Variants in NRAP observed in about 807,000 individuals in gnomAD.
NRAP encodes nebulin-related-anchoring protein.
Under a neutral mutation model 225.9 loss-of-function variants are expected in NRAP, and 189 were observed. The ratio of observed to expected loss-of-function variants is 0.84; its 90% CI spans 0.74 to 0.94. The LOEUF (loss-of-function observed/expected upper bound fraction) is 0.94. NRAP is among the 40% of genes least tolerant of loss of function. The pLI, the probability that NRAP is intolerant of heterozygous loss-of-function variation, is 0.00. For synonymous variants in NRAP, 769 were observed against 790.7 expected, an observed-to-expected ratio of 0.97 and a Z score of 0.46; for missense variants, 2,176 against 2,168.7, an observed-to-expected ratio of 1.00 and a Z score of -0.07.
rs145862371 is a variant in NRAP, at chr10:113,589,740, A to C, written c.5014T>G (p.Ser1672Ala). The C allele has an allele frequency of 8.1e-6, 13 of 1,614,046 alleles. No homozygotes were observed. The highest frequency in any genetic ancestry group is 9.3e-6 in the Non-Finnish European group (11 of 1,180,028). ...CGCCGAGCCATTTCCACTTTGTAGG[A>C]GCCAGGAGGGGTCCAGCCAACACCT... ...TRGVGWTPPG[S>A]YKVEMARRAA... The change falls in exon 41 of 42, where the codon TCC becomes GCC. Residue 1672 changes from serine (S) to alanine (A), a missense_variant. Ser to Ala is a moderately conservative substitution (Grantham distance 99, BLOSUM62 1). This residue lies in a region of NRAP where 445 missense variants were observed against 426.1 expected (regional missense o/e 1.04). Coordinates refer to ENST00000359988, the MANE Select transcript of NRAP (RefSeq NM_198060.4).
chr10:113,650,567 A>C, intron 7 of NRAP, 22 bp from the exon 8 acceptor site: 1 of 1,438,640 alleles, frequency 7.0e-7, no homozygotes, highest in Non-Finnish European at 9.8e-7. Context: ...AAACATGTGA[A>C]TCACATGCCC....
At chr10:113,595,582 C>A in intron 38 of NRAP, 41 bp downstream of exon 38, 1 of 1,297,046 alleles carries the variant, frequency 7.7e-7, no homozygotes, top group Non-Finnish European at 1.1e-6. Flanking sequence ...GATCATTTTA[C>A]AAAAGTGGGC....
chr10:113,637,500 T>A lies in NRAP; in HGVS notation c.1428+2727A>T, dbSNP rs556787643. Among the ~76,000 whole-genome samples, 6 of 152,372 alleles carry A rather than the reference T, an allele frequency of 3.9e-5. No homozygotes were observed. In the East Asian group the frequency reaches 1.2e-3, roughly 29 times the overall value. On this transcript the variant is annotated intron_variant, in intron 14 of 41. Transcript: ENST00000359988. ...GGTTCCCCTTAGCCAGAGTTAGCATTGTTTAGACAGGGAAATGCATTCTAG... is the reference window on the plus strand; with the variant it reads ...GGTTCCCCTTAGCCAGAGTTAGCATAGTTTAGACAGGGAAATGCATTCTAG...
intron 10 of NRAP, among the ~76,000 whole-genome samples, chr10:113,646,463 A>C (rs3121480): frequency 1.3e-5 from 2 of 152,210 alleles, no homozygotes; most frequent in African/African-American, 2.4e-5. Context: ...TTGGCATGCT[A>C]AGATCTGCAG....
intron 5 of NRAP, 145 bp from the exon 6 acceptor site, chr10:113,653,184 T>C (rs1850091426): frequency 5.3e-6 from 3 of 566,770 alleles, no homozygotes; most frequent in South Asian, 2.4e-5. Flanking sequence ...AAATGGCTTA[T>C]AATTGACCAT....
chr10:113,590,838 G>T lies in NRAP; in HGVS notation c.4696C>A (p.Arg1566Ser). 6.2e-7 allele frequency: 1 copy of T among 1,613,920 alleles called. No homozygotes were observed. The highest frequency in any genetic ancestry group is 1.3e-5 in the African/African-American group (1 of 74,926). Reference sequence around the variant, plus strand: ...ATCCTTGGGTCATCGTCGACACTGCGGTACCCGATCTGCAGGCCTCGGTCC... The same window carrying T: ...ATCCTTGGGTCATCGTCGACACTGCTGTACCCGATCTGCAGGCCTCGGTCC... ...LRDRGLQIGY[R>S]SVDDDPRMKH... Residue 1566 changes from arginine (R) to serine (S), a missense_variant, in exon 40 of 42, where the codon CGC becomes AGC. Coordinates refer to ENST00000359988, the MANE Select transcript of NRAP (RefSeq NM_198060.4).
Position 113,623,529 on chromosome 10 carries a change from C to T in NRAP, c.2457G>A (p.Glu819=). The change falls in exon 23 of 42, where the codon GAG becomes GAA. Residue 819 remains glutamate, a splice_region_variant and synonymous_variant. Transcript: ENST00000359988. ...AAKAKRDLAS[E]VKYKEDYERS... ...TTGTACAAGGTGGGGACAGACTCAC[C>T]TCGCTAGCCAGGTCCCTCTTGGCTT... The T allele has an allele frequency of 6.2e-7, 1 of 1,610,016 alleles. No homozygotes were observed. Among genetic ancestry groups the T allele is most frequent in the Non-Finnish European group, 8.5e-7 (1 of 1,176,694 alleles).
At chr10:113,609,754 A>G (rs150959745) in intron 31 of NRAP, among the ~76,000 whole-genome samples, 1 of 152,080 alleles carries the variant, frequency 6.6e-6, no homozygotes, top group Non-Finnish European at 1.5e-5. Context: ...GAGGTCACAC[A>G]GCAAATCAGT....
intron 3 of NRAP, among the ~76,000 whole-genome samples, chr10:113,658,151 C>G (rs544809747): frequency 2.1e-4 from 32 of 152,116 alleles, no homozygotes; most frequent in Non-Finnish European, 3.8e-4. Flanking sequence ...TCTTGTAAGT[C>G]AAGTGACCAT....
chr10:113,637,805 C>T (rs1429477192), intron 14 of NRAP, among the ~76,000 whole-genome samples: 1 of 152,070 alleles, frequency 6.6e-6, no homozygotes, highest in African/African-American at 2.4e-5. Flanking sequence ...GCCTGTAATC[C>T]CAGCTACTCG....
At chr10:113,625,367 C>T (rs1848225761) in intron 21 of NRAP, among the ~76,000 whole-genome samples, 1 of 152,222 alleles carries the variant, frequency 6.6e-6, no homozygotes, top group East Asian at 1.9e-4. Context: ...TGGGTACTGA[C>T]ACCAGGAAGT....
intron 20 of NRAP, among the ~76,000 whole-genome samples, chr10:113,628,178 T>TTTTTA (rs1216993535): frequency 6.6e-6 from 1 of 152,132 alleles, no homozygotes; most frequent in Admixed American, 6.5e-5. Context: ...AACCTCTTCA[T>TTTTTA]TTTTATTTTA....
intron 6 of NRAP, 87 bp downstream of exon 6, chr10:113,652,848 C>G (rs1436738178): frequency 1.2e-6 from 1 of 865,536 alleles, no homozygotes; most frequent in Non-Finnish European, 1.9e-6. Context: ...CCAAAGCACT[C>G]TCTTACTGTT....
In NRAP at chr10:113,589,792, C is replaced by CTT. The variant is rs1344543865; in HGVS notation, c.4960_4961dup (p.Tyr1655SerfsTer6). The CTT allele has an allele frequency of 6.2e-7, 1 of 1,613,862 alleles. No individual in the cohort carries two copies. Among genetic ancestry groups the CTT allele is most frequent in the South Asian group, 1.1e-5 (1 of 90,980 alleles). On this transcript the variant is annotated frameshift_variant, in exon 41 of 42. Transcript: ENST00000359988. LOFTEE classifies it high-confidence loss of function. The stretch of plus-strand genomic sequence containing the variant: ...TGGTCAGGTTCAAGTCTGATTTATA[C>CTT]TTGACCTTGAGGGTAAGAGGGAAGC...
In NRAP at chr10:113,629,580, G is replaced by A; in HGVS notation, c.2040+8C>T. ...TGCATGAAGAGAACTGATAATGTGT[G>A]GGCTCACCTCGCTCTGGAGCCCATA... is the stretch of plus-strand genomic sequence containing the variant. On this transcript the variant is annotated splice_region_variant and intron_variant, in intron 19 of 41. Transcript: ENST00000359988. The A allele has an allele frequency of 6.3e-7, 1 of 1,588,868 alleles. No homozygotes were observed. Among genetic ancestry groups the A allele is most frequent in the Non-Finnish European group, 8.6e-7 (1 of 1,157,300 alleles).
At chr10:113,633,374 A>T (rs1848681044) in intron 15 of NRAP, among the ~76,000 whole-genome samples, 186 bp from the exon 16 acceptor site, 1 of 152,224 alleles carries the variant, frequency 6.6e-6, no homozygotes, top group Non-Finnish European at 1.5e-5. Context: ...AATGAAAACT[A>T]AAGAAACTCA....
intron 25 of NRAP, among the ~76,000 whole-genome samples, chr10:113,619,649 T>C (rs1386678985): frequency 1.3e-5 from 2 of 149,788 alleles, no homozygotes; most frequent in African/African-American, 2.4e-5. Context: ...AGGAGGCTCA[T>C]TGCCAAAGCT....
At chr10:113,640,065 A>G (rs1011441646) in intron 14 of NRAP, among the ~76,000 whole-genome samples, 162 bp downstream of exon 14, 3 of 152,214 alleles carry the variant, frequency 2.0e-5, no homozygotes, top group Admixed American at 6.5e-5. Context: ...GCATAAATGA[A>G]CTTCCTAGTG....
intron 35 of NRAP, among the ~76,000 whole-genome samples, chr10:113,602,865 C>G (rs1223654922): frequency 6.6e-6 from 1 of 152,182 alleles, no homozygotes; most frequent in East Asian, 1.9e-4. Flanking sequence ...ATAACTTCGT[C>G]TCTCAGGGAC....
Sources: gnomAD v4.1 joint callset for allele counts (sites outside exome capture counted in the v4.1 genomes callset) on GRCh38, gnomAD v4.1.1 for gene constraint, gnomAD v4.1.1 regional missense constraint, MANE v1.5 for transcripts, NCBI Gene and HGNC (gene_info 2026-07-23, HGNC 2026-07-21) for gene names.